Variants in DEPDC5 observed in about 807,000 individuals in gnomAD.
DEPDC5 encodes the protein DEP domain containing 5, GATOR1 subcomplex subunit, also known as GATOR1 complex protein DEPDC5.
In DEPDC5, 73 loss-of-function variants were observed where a neutral mutation model predicts 217.3. The observed-to-expected ratio is 0.34, with a 90% confidence interval of 0.28 to 0.41. The LOEUF is 0.41. Among genes scored for constraint, DEPDC5 ranks in the 10% least tolerant of loss-of-function variants. The probability of loss-of-function intolerance (pLI) is 1.00; values close to 1 mark genes in which losing one functional copy is unlikely to be tolerated. For synonymous variants in DEPDC5, 733 were observed against 756.7 expected (o/e 0.97, Z 0.51); for missense variants, 1,675 against 2,070.1 (o/e 0.81, Z 3.70).
At chr22:31,854,471 T>C (rs2092188425) in intron 31 of DEPDC5, among the ~76,000 whole-genome samples, 2 of 152,252 alleles carry the variant, frequency 1.3e-5, no homozygotes, top group Non-Finnish European at 2.9e-5. Flanking sequence ...TTTTTTGTCC[T>C]GTGAATTACA....
In DEPDC5 at chr22:31,778,168, G is replaced by A. The variant is rs756100952; in HGVS notation, c.483G>A (p.Arg161=). The A allele has an allele frequency of 6.2e-7, 1 of 1,613,828 alleles. No individual in the cohort carries two copies. The highest frequency in any genetic ancestry group is 1.6e-4 in the Middle Eastern group (1 of 6,084). Residue 161 remains arginine, a splice_region_variant and synonymous_variant, in exon 8 of 43, where the codon AGG becomes AGA. Coordinates refer to ENST00000651528, the MANE Select transcript of DEPDC5 (RefSeq NM_001242896.3). ...VMCGYISEDT[R]VVFRSTSAMV... ...GTGGCTACATCAGTGAAGATACCAG[G>A]GTAAGATTTATAAAATGCTTTTTTG... is the stretch of plus-strand genomic sequence containing the variant.
At chr22:31,839,941 G>A (rs1242154365) in intron 27 of DEPDC5, among the ~76,000 whole-genome samples, 1 of 152,030 alleles carries the variant, frequency 6.6e-6, no homozygotes, top group Non-Finnish European at 1.5e-5. Context: ...GACTGGCCTA[G>A]GCAATGTAGG....
chr22:31,888,501 C>A (rs940409949), intron 38 of DEPDC5, among the ~76,000 whole-genome samples: 2 of 151,868 alleles, frequency 1.3e-5, no homozygotes, highest in African/African-American at 4.8e-5. Flanking sequence ...ATCCACCTGC[C>A]TTGGCCTCCC....
intron 21 of DEPDC5, among the ~76,000 whole-genome samples, chr22:31,818,028 C>A (rs1473364966): frequency 6.6e-6 from 1 of 152,082 alleles, no homozygotes; most frequent in African/African-American, 2.4e-5. Flanking sequence ...ATGGCCAAGA[C>A]AAATTCCTTG....
At chr22:31,864,530 A>ATATATATATATATATATT (rs1372150061) in intron 33 of DEPDC5, among the ~76,000 whole-genome samples, 63 of 139,028 alleles carry the variant, frequency 4.5e-4, no homozygotes, top group East Asian at 1.4e-3. Flanking sequence ...ATATATTTAT[A>ATATATATATATATATATT]TATTTATTTA....
intron 38 of DEPDC5, among the ~76,000 whole-genome samples, chr22:31,891,733 G>A (rs111882924): frequency 0.014 from 2,181 of 152,292 alleles, 19 homozygotes; most frequent in Middle Eastern, 0.031. Context: ...GAAACCCTAG[G>A]TCTGGGGGTA....
At chr22:31,776,098 C>T (rs2083822116) in intron 7 of DEPDC5, among the ~76,000 whole-genome samples, 1 of 142,128 alleles carries the variant, frequency 7.0e-6, no homozygotes, top group African/African-American at 2.6e-5. Flanking sequence ...TTCATTGTCT[C>T]TTTTGTTTTG....
intron 4 of DEPDC5, among the ~76,000 whole-genome samples, chr22:31,763,363 G>A (rs2082558853): frequency 6.6e-6 from 1 of 151,738 alleles, no homozygotes; most frequent in Non-Finnish European, 1.5e-5. Context: ...CACCCCAGGT[G>A]ATCTGCCTGC....
intron 2 of DEPDC5, among the ~76,000 whole-genome samples, chr22:31,756,478 T>A (rs1333892433): frequency 6.6e-6 from 1 of 152,202 alleles, no homozygotes; most frequent in Non-Finnish European, 1.5e-5. Flanking sequence ...TGCCTAAATA[T>A]TTGTGGAGTG....
chr22:31,815,796 T>G, intron 21 of DEPDC5: 1 of 1,254,398 alleles, frequency 8.0e-7, no homozygotes, highest in Non-Finnish European at 1.0e-6. Context: ...CCAAAAGTGC[T>G]GAGATTACAG....
chr22:31,856,186 CACACTTCATTGCCTATG>C (rs1162081883), intron 31 of DEPDC5, among the ~76,000 whole-genome samples: 39 of 147,074 alleles, frequency 2.7e-4, no homozygotes, highest in East Asian at 6.0e-4. Flanking sequence ...CACACACACA[CACACTTCATTGCCTATG>C]ACACACACAC....
intron 24 of DEPDC5, chr22:31,831,221 C>CTTCA (rs1320011389): frequency 6.6e-6 from 1 of 152,240 alleles, no homozygotes; most frequent in Admixed American, 6.5e-5. Flanking sequence ...ACTGTGAGAT[C>CTTCA]TTCAGTAAGT....
chr22:31,754,825 T>C (rs1206483518), intron 1 of DEPDC5, 37 bp from the exon 2 acceptor site: 2 of 1,439,922 alleles, frequency 1.4e-6, no homozygotes, highest in Non-Finnish European at 1.9e-6. Flanking sequence ...AGGAAAAATC[T>C]GACATTCCAA....
intron 23 of DEPDC5, among the ~76,000 whole-genome samples, chr22:31,822,450 G>T (rs1006199410): frequency 6.6e-6 from 1 of 152,128 alleles, no homozygotes; most frequent in African/African-American, 2.4e-5. Context: ...AGGGCGGGTG[G>T]TCTAGCTTGG....
In DEPDC5 at chr22:31,897,465, T is replaced by C. The variant is rs1220342060; in HGVS notation, c.4204-17T>C. ...GAACTTGGAGATGATATTGTTTGTT[T>C]CTGTACTTTCCGCCAGGTCCAAGGT... On this transcript the variant is annotated splice_polypyrimidine_tract_variant and intron_variant, in intron 39 of 42. Transcript: ENST00000651528. 3 of 1,605,106 alleles carry C rather than the reference T, an allele frequency of 1.9e-6. No homozygotes were observed. Among genetic ancestry groups the C allele is most frequent in the African/African-American group, 1.3e-5 (1 of 74,512 alleles).
chr22:31,843,041 C>A, intron 27 of DEPDC5, 54 bp from the exon 28 acceptor site: 1 of 1,327,330 alleles, frequency 7.5e-7, no homozygotes, highest in Non-Finnish European at 1.1e-6. Flanking sequence ...AAACAATTGT[C>A]TGTTATAGGA....
At chr22:31,899,547 G>A (rs1353826257) in intron 40 of DEPDC5, among the ~76,000 whole-genome samples, 1 of 151,986 alleles carries the variant, frequency 6.6e-6, no homozygotes, top group Non-Finnish European at 1.5e-5. Context: ...CGCCATTCAT[G>A]CCCAGGTAAT....
chr22:31,879,838 A>T, intron 38 of DEPDC5, 86 bp downstream of exon 38: 1 of 1,300,676 alleles, frequency 7.7e-7, no homozygotes. Context: ...ACGATGCCAC[A>T]TGAACCAGGA....
intron 24 of DEPDC5, among the ~76,000 whole-genome samples, chr22:31,830,630 C>CGTGTGTGTGTGTGT (rs34078350): frequency 8.8e-4 from 125 of 142,548 alleles, no homozygotes; most frequent in East Asian, 1.7e-3. Context: ...TATGCGTGTA[C>CGTGTGTGTGTGTGT]GTGTGTGTGT....
Sources: gnomAD v4.1 joint callset for allele counts (sites outside exome capture counted in the v4.1 genomes callset) on GRCh38, gnomAD v4.1.1 for gene constraint, MANE v1.5 for transcripts, NCBI Gene and HGNC (gene_info 2026-07-23, HGNC 2026-07-21) for gene names.